The following TNPO1 variants were observed in gnomAD, a reference collection of about 807,000 sequenced individuals.
The protein encoded by TNPO1 is transportin 1.
TNPO1 carries 8 observed loss-of-function variants against 119.5 expected under a neutral mutation model. The ratio of observed to expected loss-of-function variants is 0.07; its 90% CI spans 0.04 to 0.12. The LOEUF is 0.12. Ranked by LOEUF, TNPO1 falls within the 10% of genes least tolerant of loss-of-function variation. TNPO1 has a pLI of 1.00. For synonymous variants in TNPO1, 362 were observed against 363.0 expected, an observed-to-expected ratio of 1.00 and a Z score of 0.03; for missense variants, 576 against 1,089.8, an observed-to-expected ratio of 0.53 and a Z score of 6.64.
At chr5:72,898,246 C>T (rs911643124) in intron 20 of TNPO1, among the ~76,000 whole-genome samples, 2 of 152,028 alleles carry the variant, frequency 1.3e-5, no homozygotes, top group African/African-American at 4.8e-5. Context: ...AAAGAAACTT[C>T]TATTTATTTT....
At chr5:72,854,226 T>G (rs765236176) in intron 3 of TNPO1, among the ~76,000 whole-genome samples, 7 of 152,192 alleles carry the variant, frequency 4.6e-5, no homozygotes, top group Non-Finnish European at 7.3e-5. Context: ...TTTTTGTTTG[T>G]TTTGTTTTGG....
chr5:72,893,257 T>A lies in TNPO1; in HGVS notation c.1896+11T>A, dbSNP rs186801283. On this transcript the variant is annotated intron_variant, in intron 16 of 24. Transcript: ENST00000337273. ...CTTGCACAAGCCATGGTAATTTTTT[T>A]AAAATGTCTTCCTCTTCTTGACATG... The A allele has an allele frequency of 1.7e-5, 28 of 1,611,372 alleles. No homozygotes were observed. The highest frequency in any genetic ancestry group is 1.6e-4 in the Middle Eastern group (1 of 6,062).
chr5:72,903,832 T>C, intron 23 of TNPO1, 49 bp downstream of exon 23: 1 of 1,261,730 alleles, frequency 7.9e-7, no homozygotes, highest in South Asian at 1.4e-5. Flanking sequence ...GTTAATATCC[T>C]AGTGGAAAAC....
At chr5:72,873,422 G>C (rs983302173) in intron 7 of TNPO1, among the ~76,000 whole-genome samples, 6 of 152,072 alleles carry the variant, frequency 3.9e-5, no homozygotes, top group Non-Finnish European at 8.8e-5. Flanking sequence ...GGAAGAGTAG[G>C]GGGGGTTACG....
In TNPO1 at chr5:72,877,359, TCTTATAAATGCTGC is replaced by T. The variant is rs749121100; in HGVS notation, c.920+17_920+30del. On this transcript the variant is annotated intron_variant, in intron 9 of 24. Coordinates refer to ENST00000337273, the MANE Select transcript of TNPO1 (RefSeq NM_002270.4). ...GGCATCTTCCTAAGTAAGTGTTCCC[TCTTATAAATGCTGC>T]CTTGTTCTTTAATTTCTTAAGTGAT... 6.1e-6 allele frequency: 8 copies of T among 1,318,852 alleles called. No homozygotes were observed. The South Asian group carries it at 1.0e-4, about 17-fold the overall frequency. 81.7% of individuals were successfully genotyped at this position (1,318,852 alleles called of 1,614,324 possible).
At chr5:72,866,573 A>T (rs1275090782) in intron 6 of TNPO1, among the ~76,000 whole-genome samples, 2 of 151,994 alleles carry the variant, frequency 1.3e-5, no homozygotes, top group Admixed American at 1.3e-4. Flanking sequence ...GGGCAACGTG[A>T]TGAGACCCCA....
chr5:72,862,902 C>T (rs768378665), intron 5 of TNPO1, among the ~76,000 whole-genome samples: 13 of 151,986 alleles, frequency 8.6e-5, no homozygotes, highest in Non-Finnish European at 5.9e-5. Context: ...CCTGTCTCAA[C>T]CTCCCAAAGT....
chr5:72,897,170 G>A lies in TNPO1; in HGVS notation c.2338+19G>A, dbSNP rs1749492265. Reference sequence around the variant, plus strand: ...AATACAGGTACCATATGACTGAACTGTTTCAGTGAAGAGAAAATTTGTTGC... The same window carrying A: ...AATACAGGTACCATATGACTGAACTATTTCAGTGAAGAGAAAATTTGTTGC... On this transcript the variant is annotated intron_variant, in intron 20 of 24. Transcript: ENST00000337273. 6.5e-7 allele frequency: 1 copy of A among 1,537,952 alleles called. No individual in the cohort carries two copies. The highest frequency in any genetic ancestry group is 8.8e-7 in the Non-Finnish European group (1 of 1,134,102).
chr5:72,871,008 C>T (rs371515061), intron 6 of TNPO1, among the ~76,000 whole-genome samples: 2 of 152,090 alleles, frequency 1.3e-5, no homozygotes, highest in East Asian at 1.9e-4. Context: ...CTCTCTCCAT[C>T]GCCCAGGCTA....
At position 72,888,226 on chromosome 5, in the gene TNPO1, G is replaced by A. The variant is rs752004679; in HGVS notation, c.1452G>A (p.Thr484=). The A allele has an allele frequency of 3.7e-6, 6 of 1,614,108 alleles. No homozygotes were observed. The highest frequency in any genetic ancestry group is 2.2e-5 in the East Asian group (1 of 44,888). The change falls in exon 13 of 25, where the codon ACG becomes ACA. Residue 484 remains threonine (T), a synonymous_variant. Coordinates refer to ENST00000337273, the MANE Select transcript of TNPO1 (RefSeq NM_002270.4). ...GGGTGGTCAGCCAGCCGCCAGACAC[G>A]TACCTGAAGCCATTAATGACAGAAT... ...AHWVVSQPPD[T]YLKPLMTELL...
At chr5:72,854,678 G>A (rs1344690221) in intron 3 of TNPO1, among the ~76,000 whole-genome samples, 3 of 152,172 alleles carry the variant, frequency 2.0e-5, no homozygotes, top group African/African-American at 7.2e-5. Context: ...TAAATCATAA[G>A]CATTTCGAAG....
chr5:72,861,580 T>A (rs1166724207), intron 4 of TNPO1, among the ~76,000 whole-genome samples: 2 of 152,142 alleles, frequency 1.3e-5, no homozygotes, highest in Non-Finnish European at 2.9e-5. Flanking sequence ...TTTCTTGTAT[T>A]TTTAGTAGTG....
intron 24 of TNPO1, 102 bp downstream of exon 24, chr5:72,905,547 G>A: frequency 3.5e-6 from 2 of 573,056 alleles, no homozygotes; most frequent in Non-Finnish European, 3.0e-6. Flanking sequence ...GTTTTCTATA[G>A]AGGTTGAATA....
At chr5:72,820,124 A>G (rs758512180) in intron 1 of TNPO1, among the ~76,000 whole-genome samples, 5 of 152,296 alleles carry the variant, frequency 3.3e-5, no homozygotes, top group Admixed American at 1.3e-4. Context: ...TATTCTCACC[A>G]TAAGCATTTT....
intron 20 of TNPO1, among the ~76,000 whole-genome samples, chr5:72,899,114 T>C (rs940799668): frequency 6.6e-6 from 1 of 152,118 alleles, no homozygotes; most frequent in African/African-American, 2.4e-5. Flanking sequence ...CACTTCAAAA[T>C]TGTAAAAAAA....
intron 1 of TNPO1, 169 bp downstream of exon 1, chr5:72,816,921 A>G (rs1743719361): frequency 6.7e-6 from 5 of 751,080 alleles, no homozygotes; most frequent in South Asian, 2.4e-5. Context: ...TCTAACCCCA[A>G]CAGCTGCCCG....
intron 13 of TNPO1, among the ~76,000 whole-genome samples, 185 bp from the exon 14 acceptor site, chr5:72,889,601 G>C (rs973975046): frequency 1.4e-4 from 21 of 152,080 alleles, no homozygotes; most frequent in African/African-American, 4.6e-4. Context: ...ATCATTTATG[G>C]CAAGTGCTAT....
At chr5:72,825,316 C>G (rs1166196312) in intron 1 of TNPO1, among the ~76,000 whole-genome samples, 2 of 152,158 alleles carry the variant, frequency 1.3e-5, no homozygotes, top group Admixed American at 6.5e-5. Context: ...TATGTGTCCT[C>G]CCAAACTGTT....
chr5:72,902,076 G>GA (rs76963590), intron 22 of TNPO1, among the ~76,000 whole-genome samples: 19,682 of 143,956 alleles, frequency 0.14, 1,509 homozygotes, highest in East Asian at 0.36. Flanking sequence ...ACTTCATCTG[G>GA]AAAAAAAAAA....
Sources: allele counts gnomAD v4.1 joint callset (sites outside exome capture counted in the v4.1 genomes callset), GRCh38; gene constraint gnomAD v4.1.1; transcripts MANE v1.5; gene names NCBI Gene and HGNC (gene_info 2026-07-23, HGNC 2026-07-21).